The following PGPEP1L variants were observed in gnomAD, a reference collection of about 807,000 sequenced individuals.
PGPEP1L encodes pyroglutamyl-peptidase I like.
In PGPEP1L, 7 loss-of-function variants were observed where a neutral mutation model predicts 6.0. The ratio of observed to expected loss-of-function variants is 1.17; its 90% CI spans 0.66 to 2.19. PGPEP1L has a LOEUF of 2.19. PGPEP1L is among the 30% of genes most tolerant of loss of function. PGPEP1L has a pLI of 0.00. For missense variants in PGPEP1L, 209 were observed against 192.5 expected (o/e 1.09, Z -0.51); for synonymous variants, 103 against 83.9 (o/e 1.23, Z -1.24).
intron 2 of PGPEP1L, among the ~76,000 whole-genome samples, chr15:98,996,515 T>C (rs1389514275): frequency 2.1e-5 from 1 of 46,978 alleles, no homozygotes; most frequent in Non-Finnish European, 4.1e-5. Context: ...TGCATGTGTA[T>C]ATAGGGGTAT....
At chr15:98,971,282 G>T in intron 2 of PGPEP1L, 124 bp from the exon 3 acceptor site, 2 of 1,307,824 alleles carry the variant, frequency 1.5e-6, no homozygotes, top group African/African-American at 1.5e-5. Flanking sequence ...CCTGGACTTT[G>T]CCCTCAAGGA....
chr15:98,970,814 C>T (rs143996385), intron 3 of PGPEP1L, among the ~76,000 whole-genome samples: 141 of 152,250 alleles, frequency 9.3e-4, no homozygotes, highest in African/African-American at 3.1e-3. Flanking sequence ...TTTCCTCCTC[C>T]TTTCTCTCCA....
rs1424434085 is a variant in PGPEP1L at position 98,968,429 on chromosome 15, A to G, written c.*49T>C. 6.4e-7 allele frequency: 1 copy of G among 1,557,784 alleles called. No individual in the cohort carries two copies. ...GTTTCTCAATGCACAGTTGAGTGCT[A>G]CATACAGGATTGAAACATTCAATTT... On this transcript the variant is annotated 3_prime_UTR_variant, in exon 5 of 5. Transcript: ENST00000535714.
chr15:98,973,121 C>T (rs1379964448), intron 2 of PGPEP1L, among the ~76,000 whole-genome samples: 5 of 151,982 alleles, frequency 3.3e-5, no homozygotes, highest in African/African-American at 1.2e-4. Context: ...CACAGAAGAA[C>T]ATCATATAAT....
In PGPEP1L at chr15:99,007,742, A is replaced by C. The variant is rs183381657; in HGVS notation, c.-753T>G. ...GCAGCAGCAACGGTTATTGCAAACA[A>C]GCAAAACAACAAAACTTCCACAGCA... On this transcript the variant is annotated 5_prime_UTR_variant, in exon 1 of 5. Coordinates refer to ENST00000535714, the MANE Select transcript of PGPEP1L (RefSeq NM_001167902.2). 6.6e-6 allele frequency: 1 copy of C among 152,290 alleles called. No homozygotes were observed. The highest frequency in any genetic ancestry group is 2.4e-5 in the African/African-American group (1 of 41,462). 9.4% of individuals were successfully genotyped at this position (152,290 alleles called of 1,614,324 possible).
chr15:98,971,845 TGA>T (rs774192474), intron 2 of PGPEP1L, among the ~76,000 whole-genome samples: 1 of 152,226 alleles, frequency 6.6e-6, no homozygotes, highest in East Asian at 1.9e-4. Flanking sequence ...TACAGTTGGT[TGA>T]GAGATAGGCA....
intron 2 of PGPEP1L, among the ~76,000 whole-genome samples, chr15:98,989,437 AAG>A (rs1465988029): frequency 6.6e-6 from 1 of 152,220 alleles, no homozygotes; most frequent in Non-Finnish European, 1.5e-5. Flanking sequence ...TTAGAGAAAA[AAG>A]AGTGAAAAGA....
At chr15:99,001,561 T>C (rs1180225428) in intron 2 of PGPEP1L, among the ~76,000 whole-genome samples, 2 of 152,228 alleles carry the variant, frequency 1.3e-5, no homozygotes, top group African/African-American at 4.8e-5. Flanking sequence ...TGGTATAGCA[T>C]GTGGATTATA....
intron 2 of PGPEP1L, among the ~76,000 whole-genome samples, chr15:98,976,184 T>C (rs1326306348): frequency 2.6e-5 from 4 of 152,130 alleles, no homozygotes; most frequent in Non-Finnish European, 4.4e-5. Context: ...TAATGCCACT[T>C]ACTTGTACAC....
At chr15:98,970,201 G>A (rs1020391254) in intron 3 of PGPEP1L, among the ~76,000 whole-genome samples, 8 of 151,132 alleles carry the variant, frequency 5.3e-5, no homozygotes, top group Admixed American at 2.7e-4. Context: ...GGTGCACCAC[G>A]CCCAGCTAAT....
intron 2 of PGPEP1L, among the ~76,000 whole-genome samples, chr15:98,999,088 TTAAC>T (rs1555472727): frequency 1.3e-5 from 2 of 152,182 alleles, no homozygotes; most frequent in African/African-American, 4.8e-5. Context: ...ACAGGAATAA[TTAAC>T]AAACTAGATT....
At chr15:98,979,135 C>A (rs1381063171) in intron 2 of PGPEP1L, among the ~76,000 whole-genome samples, 1 of 151,926 alleles carries the variant, frequency 6.6e-6, no homozygotes, top group Non-Finnish European at 1.5e-5. Flanking sequence ...ATAAACAGGT[C>A]AGACTGTTTC....
At position 99,006,010 on chromosome 15, in the gene PGPEP1L, C is replaced by T. The variant is rs187493834; in HGVS notation, c.-369-354G>A. Among the ~76,000 whole-genome samples the T allele has an allele frequency of 9.9e-5, 15 of 152,260 alleles. No individual in the cohort carries two copies. The East Asian group carries it at 2.7e-3, about 27-fold the overall frequency. ...TGGTAAAATTTGATTGCTCTGAAAA[C>T]TAATTCCACAAAATATGTGAGATGT... On this transcript the variant is annotated intron_variant, in intron 1 of 4. Coordinates refer to ENST00000535714, the MANE Select transcript of PGPEP1L (RefSeq NM_001167902.2).
At chr15:99,004,355 G>A (rs1346314581) in intron 2 of PGPEP1L, among the ~76,000 whole-genome samples, 1 of 151,136 alleles carries the variant, frequency 6.6e-6, no homozygotes, top group Non-Finnish European at 1.5e-5. Flanking sequence ...GCTGCAGTGA[G>A]TTATGACTGA....
chr15:98,983,294 G>T (rs769981294), intron 2 of PGPEP1L, among the ~76,000 whole-genome samples: 3 of 152,076 alleles, frequency 2.0e-5, no homozygotes, highest in Non-Finnish European at 4.4e-5. Context: ...TGACTGTTCT[G>T]ATTCACGGCT....
At chr15:98,991,556 T>C (rs1297882291) in intron 2 of PGPEP1L, among the ~76,000 whole-genome samples, 2 of 152,210 alleles carry the variant, frequency 1.3e-5, no homozygotes, top group Admixed American at 1.3e-4. Flanking sequence ...CCATTCCTTC[T>C]GAAAGTATTC....
chr15:98,981,505 AACAAAAAC>A (rs2017662157), intron 2 of PGPEP1L, among the ~76,000 whole-genome samples: 1 of 140,324 alleles, frequency 7.1e-6, no homozygotes, highest in African/African-American at 2.9e-5. Flanking sequence ...AAAAAAAAAA[AACAAAAAC>A]AAAACAAAAA....
intron 2 of PGPEP1L, among the ~76,000 whole-genome samples, chr15:98,985,881 T>G (rs180677866): frequency 9.0e-4 from 137 of 152,390 alleles, no homozygotes; most frequent in Non-Finnish European, 1.5e-3. Flanking sequence ...CCTTCATTGC[T>G]GCTTCCACCA....
chr15:98,993,279 G>C (rs2017842496), intron 2 of PGPEP1L, among the ~76,000 whole-genome samples: 1 of 152,168 alleles, frequency 6.6e-6, no homozygotes. Flanking sequence ...CCATCAAAAA[G>C]TGGGTGAAGG....
Sources: gnomAD v4.1 joint callset for allele counts (sites outside exome capture counted in the v4.1 genomes callset) on GRCh38, gnomAD v4.1.1 for gene constraint, MANE v1.5 for transcripts, NCBI Gene and HGNC (gene_info 2026-07-23, HGNC 2026-07-21) for gene names.